Variants in ITGA10 observed in about 807,000 individuals in gnomAD.
ITGA10 encodes the protein integrin subunit alpha 10.
Under a neutral mutation model 145.2 loss-of-function variants are expected in ITGA10, and 105 were observed. That is an observed-to-expected ratio of 0.72 (90% CI 0.62 to 0.85). The LOEUF is 0.85. Ranked by LOEUF, ITGA10 falls within the 40% of genes least tolerant of loss-of-function variation. The probability of loss-of-function intolerance (pLI) is 0.00; values close to 1 mark genes in which losing one functional copy is unlikely to be tolerated. For synonymous variants in ITGA10, 506 were observed against 557.8 expected (o/e 0.91, Z 1.31); for missense variants, 1,317 against 1,444.5 (o/e 0.91, Z 1.43).
chr1:145,896,431 T>C (rs1655415582), intron 23 of ITGA10, 79 bp from the exon 24 acceptor site: 1 of 1,124,052 alleles, frequency 8.9e-7, no homozygotes, highest in African/African-American at 1.5e-5. Flanking sequence ...CACACAGACG[T>C]GGATTCAGAG....
chr1:145,902,774 A>C, intron 8 of ITGA10, 37 bp downstream of exon 8: 2 of 1,583,804 alleles, frequency 1.3e-6, no homozygotes, highest in East Asian at 4.5e-5. Context: ...CCCCCCTGCC[A>C]CTCCCCAACT....
rs1553746491 is a variant in ITGA10 at position 145,898,955 on chromosome 1, T to C, written c.2213A>G (p.Gln738Arg). Reference protein sequence around the residue: ...RLSVGNVTCEQLHFHVLDTSD... With the variant: ...RLSVGNVTCERLHFHVLDTSD... The stretch of plus-strand genomic sequence containing the variant: ...CCTTACCAGCACATGGAAGTGTAGC[T>C]GCTCACAAGTGACATTCCCCACACT... Residue 738 changes from glutamine (Q) to arginine (R), a missense_variant, in exon 17 of 30, where the codon CAG (glutamine) becomes CGG (arginine). By Grantham distance (43) the Gln-to-Arg change is conservative. Coordinates refer to ENST00000369304, the MANE Select transcript of ITGA10 (RefSeq NM_003637.5). The C allele has an allele frequency of 6.2e-7, 1 of 1,614,056 alleles. No homozygotes were observed.
chr1:145,894,793 T>C (rs1372378561), intron 27 of ITGA10, among the ~76,000 whole-genome samples: 1 of 152,244 alleles, frequency 6.6e-6, no homozygotes, highest in Non-Finnish European at 1.5e-5. Flanking sequence ...CAATAATTCA[T>C]TCATTTAGCA....
Position 145,906,776 on chromosome 1 carries a change from A to G in ITGA10, c.323T>C (p.Leu108Pro). 6.2e-7 allele frequency: 1 copy of G among 1,613,922 alleles called. No homozygotes were observed. The highest frequency in any genetic ancestry group is 1.1e-5 in the South Asian group (1 of 91,058). The change falls in exon 4 of 30, where the codon CTG (leucine) becomes CCG (proline). Residue 108 changes from leucine (L) to proline (P), a missense_variant. Leu to Pro is a moderately conservative substitution (Grantham distance 98, BLOSUM62 -3). Coordinates refer to ENST00000369304, the MANE Select transcript of ITGA10 (RefSeq NM_003637.5). ...ATCTGTCTCTAACAGAGACATCCCCAGGTGCATATTCACAGCAGGATGAGA... is the reference window on the plus strand; with the variant it reads ...ATCTGTCTCTAACAGAGACATCCCCGGGTGCATATTCACAGCAGGATGAGA... ...NSSHPAVNMH[L>P]GMSLLETDGD... is the part of the protein sequence containing the mutation.
chr1:145,896,185 A>AAGAG, intron 24 of ITGA10, 83 bp downstream of exon 24: 1 of 1,484,686 alleles, frequency 6.7e-7, no homozygotes, highest in South Asian at 1.1e-5. Context: ...ATTAAAATCC[A>AAGAG]AGAGAGACCC....
chr1:145,906,480 C>T lies in ITGA10; in HGVS notation c.395G>A (p.Cys132Tyr), dbSNP rs782656864. 2 of 1,614,032 alleles carry T rather than the reference C, an allele frequency of 1.2e-6. No individual in the cohort carries two copies. Among genetic ancestry groups the T allele is most frequent in the Non-Finnish European group, 1.7e-6 (2 of 1,180,018 alleles). Reference protein sequence around the residue: ...MACAPLWSRACGSSVFSSGIC... With the variant: ...MACAPLWSRAYGSSVFSSGIC... ...CCCAGAACTGAAGACAGAGCTGCCA[C>T]AAGCACGAGACCAGAGAGGGGCACA... The change falls in exon 5 of 30, where the codon TGT (cysteine) becomes TAT (tyrosine). Residue 132 changes from cysteine (C) to tyrosine (Y), a missense_variant. Coordinates refer to ENST00000369304, the MANE Select transcript of ITGA10 (RefSeq NM_003637.5).
At chr1:145,893,431 T>A in intron 28 of ITGA10, 109 bp downstream of exon 28, 1 of 965,106 alleles carries the variant, frequency 1.0e-6, no homozygotes. Context: ...AACACTAGGA[T>A]CCTGCTGCCT....
At position 145,899,034 on chromosome 1, in the gene ITGA10, G is replaced by A. The variant is rs149971856; in HGVS notation, c.2134C>T (p.Arg712Cys). 18 of 1,614,230 alleles carry A rather than the reference G, an allele frequency of 1.1e-5. No homozygotes were observed. In the East Asian group the frequency reaches 2.7e-4, roughly 24 times the overall value. ...ASLDEWTAGA[R>C]AAFDGSGQRL... ...TGGCCAGAGCCATCAAATGCTGCACGTGCCCCAGCAGTCCATTCATCCAGT... is the reference window on the plus strand; with the variant it reads ...TGGCCAGAGCCATCAAATGCTGCACATGCCCCAGCAGTCCATTCATCCAGT... The change falls in exon 17 of 30, where the codon CGT becomes TGT. Residue 712 changes from arginine to cysteine, a missense_variant. Physicochemically the swap from Arg to Cys is radical, Grantham distance 180. Transcript: ENST00000369304.
At chr1:145,898,794 G>A (rs781931114) in intron 17 of ITGA10, 142 bp downstream of exon 17, 4 of 1,009,070 alleles carry the variant, frequency 4.0e-6, no homozygotes, top group Non-Finnish European at 5.7e-6. Flanking sequence ...TTCAAACCCA[G>A]ATCAGCCCTG....
At chr1:145,906,980 T>A in intron 3 of ITGA10, 61 bp downstream of exon 3, 1 of 1,298,232 alleles carries the variant, frequency 7.7e-7, no homozygotes. Flanking sequence ...GTATAGGGAG[T>A]TGAAGCTTCT....
intron 17 of ITGA10, 117 bp downstream of exon 17, chr1:145,898,819 A>C (rs1298924795): frequency 2.5e-6 from 3 of 1,198,872 alleles, no homozygotes; most frequent in Non-Finnish European, 3.5e-6. Context: ...CAAAGTCTGA[A>C]TCATCTCATT....
chr1:145,908,047 G>C (rs1419435345), intron 1 of ITGA10, among the ~76,000 whole-genome samples: 1 of 152,060 alleles, frequency 6.6e-6, no homozygotes, highest in Non-Finnish European at 1.5e-5. Flanking sequence ...TGGGATTACA[G>C]GCGTGAGCCA....
At chr1:145,906,597 T>C in intron 4 of ITGA10, 89 bp from the exon 5 acceptor site, 1 of 1,308,254 alleles carries the variant, frequency 7.6e-7, no homozygotes, top group Non-Finnish European at 1.1e-6. Flanking sequence ...GACTACTCCC[T>C]GACATTACCT....
Position 145,902,824 on chromosome 1 carries a change from C to A in ITGA10, c.896G>T (p.Arg299Leu). The A allele has an allele frequency of 6.2e-7, 1 of 1,610,368 alleles. No homozygotes were observed. The highest frequency in any genetic ancestry group is 8.5e-7 in the Non-Finnish European group (1 of 1,178,148). Residue 299 changes from arginine to leucine, a missense_variant, in exon 8 of 30, where the codon CGC (arginine) becomes CTC (leucine). By Grantham distance (102) the Arg-to-Leu change is moderately radical. Coordinates refer to ENST00000369304, the MANE Select transcript of ITGA10 (RefSeq NM_003637.5). Reference sequence around the variant, plus strand: ...GTGAATTCTCACTGCAATCCCATAGCGTGTCACTCTTCCAGCCTCACAGGC... The same window carrying A: ...GTGAATTCTCACTGCAATCCCATAGAGTGTCACTCTTCCAGCCTCACAGGC... ...LKACEAGRVT[R>L]YGIAVLGHYL...
chr1:145,909,451 A>T (rs1196391960), intron 1 of ITGA10, among the ~76,000 whole-genome samples: 1 of 141,288 alleles, frequency 7.1e-6, no homozygotes, highest in Non-Finnish European at 1.5e-5. Flanking sequence ...ATAACTATAT[A>T]ATATATAATT....
At chr1:145,904,596 A>G (rs1656858499) in intron 6 of ITGA10, 88 bp downstream of exon 6, 1 of 1,423,826 alleles carries the variant, frequency 7.0e-7, no homozygotes, top group Non-Finnish European at 9.8e-7. Flanking sequence ...GCTAGTCTTG[A>G]ACTCCTGGCC....
chr1:145,900,153 C>G lies in ITGA10; in HGVS notation c.1826G>C (p.Ser609Thr). The G allele has an allele frequency of 6.2e-7, 1 of 1,614,072 alleles. No individual in the cohort carries two copies. The highest frequency in any genetic ancestry group is 8.5e-7 in the Non-Finnish European group (1 of 1,179,948). Reference protein sequence around the residue: ...IAAASMPHALSYFGRSVDGRL... With the variant: ...IAAASMPHALTYFGRSVDGRL... ...ACCATCCACACTTCGGCCAAAGTAG[C>G]TGAGGGCATGTGGCATGGAGGCAGC... Residue 609 changes from serine (S) to threonine (T), a missense_variant, in exon 15 of 30, where the codon AGC (serine) becomes ACC (threonine). Transcript: ENST00000369304.
rs1034349019 is a variant in ITGA10, at chr1:145,896,068, C to T, written c.2948G>A (p.Ser983Asn). Residue 983 changes from serine to asparagine, a missense_variant, in exon 25 of 30, where the codon AGT (serine) becomes AAT (asparagine). Ser to Asn is a conservative substitution (Grantham distance 46, BLOSUM62 1). Coordinates refer to ENST00000369304, the MANE Select transcript of ITGA10 (RefSeq NM_003637.5). ...RVQNLGCYVV[S>N]GLIISALLPA... Reference sequence around the variant, plus strand: ...AAGGAGGGCTGAGATGATGAGGCCACTGACCACATAGCAGCCTAGGTTCTG... The same window carrying T: ...AAGGAGGGCTGAGATGATGAGGCCATTGACCACATAGCAGCCTAGGTTCTG... The T allele has an allele frequency of 1.6e-5, 26 of 1,614,092 alleles. No individual in the cohort carries two copies. The highest frequency in any genetic ancestry group is 1.6e-4 in the Middle Eastern group (1 of 6,084).
intron 21 of ITGA10, 26 bp downstream of exon 21, chr1:145,897,221 T>G (rs782080012): frequency 6.2e-7 from 1 of 1,610,800 alleles, no homozygotes; most frequent in South Asian, 1.1e-5. Flanking sequence ...CCTAGAGCCC[T>G]CTTTTCATCC....
Sources: gnomAD v4.1 joint callset for allele counts (sites outside exome capture counted in the v4.1 genomes callset) on GRCh38, gnomAD v4.1.1 for gene constraint, MANE v1.5 for transcripts, NCBI Gene and HGNC (gene_info 2026-07-23, HGNC 2026-07-21) for gene names.